The following TPRG1 variants were observed in gnomAD, a reference collection of about 807,000 sequenced individuals.
TPRG1 encodes the protein tumor protein p63 regulated 1.
A neutral mutation model predicts 29.3 loss-of-function variants in TPRG1; 29 were observed. That is an observed-to-expected ratio of 0.99 (90% CI 0.74 to 1.35). TPRG1 has a LOEUF of 1.35. Ranked by LOEUF, TPRG1 falls within the 40% of genes most tolerant of loss-of-function variation. TPRG1 has a pLI of 0.00. For synonymous variants in TPRG1, 130 were observed against 116.8 expected (o/e 1.11, Z -0.73); for missense variants, 327 against 335.0 (o/e 0.98, Z 0.19).
Position 189,015,605 on chromosome 3 carries a change from T to C in TPRG1, c.-659-8145T>C, listed in dbSNP as rs773338301. On this transcript the variant is annotated intron_variant, in intron 3 of 10. Transcript: ENST00000433971. ...CTGGAGGCTTAAGAGGAAAAAATGG[T>C]TTCATAAGCCAGGCCCAGGGCCCTG... 4.4e-4 allele frequency among the ~76,000 whole-genome samples: 67 copies of C among 152,152 alleles called. 2 individuals carry two copies. The highest frequency in any genetic ancestry group is 2.8e-3 in the Admixed American group (43 of 15,268).
chr3:189,153,539 T>A (rs1356856398), intron 5 of TPRG1, among the ~76,000 whole-genome samples: 1 of 151,804 alleles, frequency 6.6e-6, no homozygotes, highest in East Asian at 1.9e-4. Context: ...ATGTTTGGGG[T>A]GAGGGGTGGT....
chr3:189,147,634 T>G (rs2242013), exon 4 of TPRG1: 47,735 of 152,066 alleles, frequency 0.31, 7,921 homozygotes, highest in Admixed American at 0.44. Context: ...CCAGAGACCA[T>G]CCCAGGCCCA....
intron 5 of TPRG1, among the ~76,000 whole-genome samples, chr3:189,153,325 T>A (rs533220637): frequency 9.4e-4 from 143 of 152,330 alleles, no homozygotes; most frequent in Admixed American, 2.2e-3. Context: ...TGGGTGCATG[T>A]GGTTTATTGA....
At chr3:189,027,029 C>T (rs1713701989) in intron 4 of TPRG1, among the ~76,000 whole-genome samples, 1 of 152,118 alleles carries the variant, frequency 6.6e-6, no homozygotes, top group South Asian at 2.1e-4. Flanking sequence ...AATGTGTTAA[C>T]AGTATTAGAT....
chr3:189,242,475 G>A (rs189914983), intron 4 of TPRG1, among the ~76,000 whole-genome samples: 95 of 152,086 alleles, frequency 6.2e-4, no homozygotes, highest in Admixed American at 1.3e-3. Context: ...AACATGTTTG[G>A]TTGTGACATA....
At chr3:189,309,583 A>G (rs1722157962) in intron 4 of TPRG1, among the ~76,000 whole-genome samples, 1 of 152,158 alleles carries the variant, frequency 6.6e-6, no homozygotes, top group South Asian at 2.1e-4. Flanking sequence ...ATTCTGATGG[A>G]CACATGCAAA....
chr3:189,240,291 T>C (rs1740322748), intron 4 of TPRG1: 1 of 152,168 alleles, frequency 6.6e-6, no homozygotes, highest in African/African-American at 2.4e-5. Context: ...ATGTTCATTT[T>C]CAGGAACTCT....
intron 2 of TPRG1, among the ~76,000 whole-genome samples, chr3:189,128,444 T>A (rs1722740057): frequency 6.6e-6 from 1 of 152,152 alleles, no homozygotes; most frequent in South Asian, 2.1e-4. Flanking sequence ...GTCTCAACCA[T>A]AACATGAAAC....
chr3:189,161,669 T>G (rs896028090), intron 5 of TPRG1, among the ~76,000 whole-genome samples: 2 of 152,232 alleles, frequency 1.3e-5, no homozygotes, highest in African/African-American at 4.8e-5. Flanking sequence ...ATGAAATGTT[T>G]ATTAAATATC....
chr3:189,146,985 G>A lies in TPRG1; in HGVS notation c.-290-599G>A, dbSNP rs557066007. Among the ~76,000 whole-genome samples, 14 of 152,248 alleles carry A rather than the reference G, an allele frequency of 9.2e-5. No homozygotes were observed. The East Asian group carries it at 9.6e-4, about 10-fold the overall frequency. ...TGCCTTATCATTTAATCTGCACAGC[G>A]TCCCCTCTGGGGTCCACATGTATTT... On this transcript the variant is annotated intron_variant, in intron 3 of 6. Transcript: ENST00000412373.
intron 1 of TPRG1, among the ~76,000 whole-genome samples, chr3:189,125,692 C>G (rs1722373038): frequency 6.6e-6 from 1 of 152,108 alleles, no homozygotes; most frequent in African/African-American, 2.4e-5. Flanking sequence ...ATTCTGCCAG[C>G]TCAGGGGCCC....
chr3:189,126,556 A>G (rs943257841), intron 1 of TPRG1, among the ~76,000 whole-genome samples: 3 of 152,184 alleles, frequency 2.0e-5, no homozygotes, highest in Admixed American at 1.3e-4. Flanking sequence ...AAGCATTTTT[A>G]TATGGGAAAT....
At chr3:188,997,896 C>T (rs1345414219) in intron 1 of TPRG1, among the ~76,000 whole-genome samples, 2 of 152,120 alleles carry the variant, frequency 1.3e-5, no homozygotes, top group Non-Finnish European at 2.9e-5. Flanking sequence ...GTTTGAGACA[C>T]GATTTTTCCC....
chr3:189,318,828 A>G (rs536778125), intron 5 of TPRG1, among the ~76,000 whole-genome samples: 1 of 152,246 alleles, frequency 6.6e-6, no homozygotes, highest in Non-Finnish European at 1.5e-5. Context: ...TGAATGTAAT[A>G]TTTTCTCCCT....
intron 1 of TPRG1, among the ~76,000 whole-genome samples, chr3:189,185,781 A>C (rs925209685): frequency 2.6e-5 from 4 of 152,072 alleles, no homozygotes; most frequent in African/African-American, 9.7e-5. Flanking sequence ...CCCCTTTAAC[A>C]TTTTAATATG....
At chr3:189,159,759 T>C (rs998936948) in intron 5 of TPRG1, among the ~76,000 whole-genome samples, 2 of 151,992 alleles carry the variant, frequency 1.3e-5, no homozygotes, top group African/African-American at 4.8e-5. Flanking sequence ...CTGTTTCCAA[T>C]TTCAGGCACT....
chr3:189,167,983 G>A (rs1291486797), upstream of TPRG1, among the ~76,000 whole-genome samples: 17 of 152,190 alleles, frequency 1.1e-4, 1 homozygote, highest in Admixed American at 1.1e-3. Flanking sequence ...TAACTTCCAT[G>A]CCAGTGCCCT....
chr3:189,298,132 A>T (rs1720256430), intron 4 of TPRG1, among the ~76,000 whole-genome samples: 1 of 152,204 alleles, frequency 6.6e-6, no homozygotes. Context: ...CAAAGCAAAT[A>T]TACACTGTGG....
At chr3:189,315,661 G>A (rs912402623) in intron 5 of TPRG1, 5 of 320,992 alleles carry the variant, frequency 1.6e-5, no homozygotes, top group Non-Finnish European at 3.1e-5. Context: ...ATGAACCAAT[G>A]TTTTAGCAAT....
Sources: gnomAD v4.1 joint callset for allele counts (sites outside exome capture counted in the v4.1 genomes callset) on GRCh38, gnomAD v4.1.1 for gene constraint, MANE v1.5 for transcripts, NCBI Gene and HGNC (gene_info 2026-07-23, HGNC 2026-07-21) for gene names.